The following ZNF721 variants were observed in gnomAD, a reference collection of about 807,000 sequenced individuals.
ZNF721 encodes the protein zinc finger protein 721.
ZNF721 carries 2 observed loss-of-function variants against 2.4 expected under a neutral mutation model. The ratio of observed to expected loss-of-function variants is 0.82; its 90% CI spans 0.34 to 2.58. The LOEUF (loss-of-function observed/expected upper bound fraction) is 2.58. Ranked by LOEUF, ZNF721 falls within the 30% of genes most tolerant of loss-of-function variation. ZNF721 has a pLI of 0.11. For synonymous variants in ZNF721, 398 were observed against 381.8 expected, an observed-to-expected ratio of 1.04 and a Z score of -0.50; for missense variants, 1,187 against 1,085.5, an observed-to-expected ratio of 1.09 and a Z score of -1.31.
At chr4:448,229 G>A (rs1417393106) in intron 2 of ZNF721, among the ~76,000 whole-genome samples, 1 of 152,012 alleles carries the variant, frequency 6.6e-6, no homozygotes, top group Admixed American at 6.6e-5. Context: ...AAACTGGTAT[G>A]AATGTAGAAT....
intron 2 of ZNF721, among the ~76,000 whole-genome samples, chr4:469,572 C>T (rs1176270763): frequency 5.3e-5 from 8 of 152,124 alleles, no homozygotes; most frequent in African/African-American, 1.7e-4. Flanking sequence ...TAATAGAAAA[C>T]ACAATTGTAA....
At chr4:447,896 T>C (rs1407722551) in intron 2 of ZNF721, among the ~76,000 whole-genome samples, 1 of 152,210 alleles carries the variant, frequency 6.6e-6, no homozygotes, top group African/African-American at 2.4e-5. Flanking sequence ...GTGTCCCACA[T>C]TGAGTTCCAA....
chr4:480,636 T>C (rs1553869294), intron 1 of ZNF721, among the ~76,000 whole-genome samples: 1 of 152,200 alleles, frequency 6.6e-6, no homozygotes, highest in African/African-American at 2.4e-5. Flanking sequence ...CTCGTATAAA[T>C]GGAATTATAT....
chr4:486,736 G>A (rs1277547874), intron 1 of ZNF721, among the ~76,000 whole-genome samples: 1 of 152,130 alleles, frequency 6.6e-6, no homozygotes, highest in Non-Finnish European at 1.5e-5. Context: ...TGCATTATAG[G>A]TGTTTTCAAA....
At chr4:454,723 T>A (rs956912144) in intron 2 of ZNF721, among the ~76,000 whole-genome samples, 2 of 152,218 alleles carry the variant, frequency 1.3e-5, no homozygotes, top group African/African-American at 2.4e-5. Flanking sequence ...AATATTAAAT[T>A]TGAACTCAAT....
At position 442,706 on chromosome 4, in the gene ZNF721, A is replaced by C; in HGVS notation, c.1761T>G (p.Cys587Trp). ...RIHTGEKPYK[C>W]EECGKAFGRY... ...GTCCAAAGGCTTTGCCACACTCTTCACATTTGTAAGGTTTCTCTCCAGTAT... is the reference window on the plus strand; with the variant it reads ...GTCCAAAGGCTTTGCCACACTCTTCCCATTTGTAAGGTTTCTCTCCAGTAT... The change falls in exon 3 of 3, where the codon TGT becomes TGG. Residue 587 changes from cysteine to tryptophan, a missense_variant. By Grantham distance (215) the Cys-to-Trp change is radical. Transcript: ENST00000511833. The C allele has an allele frequency of 6.2e-7, 1 of 1,614,158 alleles. No individual in the cohort carries two copies. The highest frequency in any genetic ancestry group is 8.5e-7 in the Non-Finnish European group (1 of 1,180,010).
At chr4:494,347 A>T (rs534860159) in intron 1 of ZNF721, among the ~76,000 whole-genome samples, 27 of 143,340 alleles carry the variant, frequency 1.9e-4, no homozygotes, top group Non-Finnish European at 3.0e-4. Context: ...ATGCCCATCT[A>T]ATTTTTTTTT....
Position 441,770 on chromosome 4 carries a change from G to C in ZNF721, c.2697C>G (p.Gly899=), listed in dbSNP as rs1553863156. 6.2e-7 allele frequency: 1 copy of C among 1,613,524 alleles called. No individual in the cohort carries two copies. The highest frequency in any genetic ancestry group is 1.1e-5 in the South Asian group (1 of 90,994). ...GEKPYTCGDC[G]KTFRQSANLY... ...GATTTGCAGACTGTCTAAAGGTTTT[G>C]CCACAGTCTCCACACGTGTAGGGTT... Residue 899 remains glycine (G), a synonymous_variant, in exon 3 of 3, where the codon GGC becomes GGG. Transcript: ENST00000511833.
rs574019614 is a variant in ZNF721 at position 442,929 on chromosome 4, G to A, written c.1538C>T (p.Ser513Phe). ...TCTCCTATGTTTAGTAAGGGTTGTG[G>A]AACTAGTAAACGCTTTACCACATTC... ...CLECGKAFTS[S>F]TTLTKHRRIH... The change falls in exon 3 of 3, where the codon TCC (serine) becomes TTC (phenylalanine). Residue 513 changes from serine to phenylalanine, a missense_variant. Transcript: ENST00000511833. 204 of 1,613,732 alleles carry A rather than the reference G, an allele frequency of 1.3e-4. 2 individuals are homozygous for A. The South Asian group carries it at 2.1e-3, about 16-fold the overall frequency.
At chr4:472,497 T>A (rs2108712156) in intron 2 of ZNF721, 78 bp downstream of exon 2, 7 of 1,488,424 alleles carry the variant, frequency 4.7e-6, no homozygotes, top group Non-Finnish European at 5.5e-6. Context: ...TATAGATATA[T>A]CTCAAAAGAC....
intron 1 of ZNF721, among the ~76,000 whole-genome samples, chr4:477,163 T>C (rs1715644718): frequency 6.6e-6 from 1 of 152,088 alleles, no homozygotes. Context: ...TCCTCCACAT[T>C]TCCTCTGACA....
At chr4:474,019 C>T in intron 1 of ZNF721, 1 of 1,501,908 alleles carries the variant, frequency 6.7e-7, no homozygotes, top group East Asian at 3.0e-5. Flanking sequence ...GTCTTAGCTA[C>T]GAATCATCCA....
intron 1 of ZNF721, chr4:473,939 G>A (rs782034099): frequency 2.0e-6 from 3 of 1,502,936 alleles, no homozygotes; most frequent in South Asian, 2.2e-5. Context: ...CGGTTCTGAT[G>A]AGGCCTCCCC....
At chr4:490,660 G>A (rs1217130435) in intron 1 of ZNF721, among the ~76,000 whole-genome samples, 1 of 152,042 alleles carries the variant, frequency 6.6e-6, no homozygotes, top group Non-Finnish European at 1.5e-5. Flanking sequence ...AGGCCAGAAA[G>A]GTTATGAAAT....
chr4:446,565 G>C (rs1553864205), intron 2 of ZNF721, among the ~76,000 whole-genome samples: 4 of 152,056 alleles, frequency 2.6e-5, no homozygotes, highest in African/African-American at 9.7e-5. Flanking sequence ...ATTTTTAATA[G>C]AGACAGGGTT....
intron 1 of ZNF721, among the ~76,000 whole-genome samples, chr4:485,616 G>A (rs1234207554): frequency 6.6e-6 from 1 of 152,182 alleles, no homozygotes; most frequent in East Asian, 1.9e-4. Context: ...GTTTACAGCA[G>A]ACATTTGGGA....
chr4:487,227 T>C (rs1715918844), intron 1 of ZNF721, among the ~76,000 whole-genome samples: 1 of 152,228 alleles, frequency 6.6e-6, no homozygotes, highest in South Asian at 2.1e-4. Context: ...ATCTCTTATT[T>C]GCACTGGCAT....
chr4:497,506 G>A (rs1200954400), intron 1 of ZNF721, among the ~76,000 whole-genome samples: 2 of 152,096 alleles, frequency 1.3e-5, no homozygotes, highest in African/African-American at 2.4e-5. Flanking sequence ...CACAGCCTCC[G>A]GAGATCCTGA....
Position 442,375 on chromosome 4 carries a change from T to A in ZNF721, c.2092A>T (p.Lys698Ter). 1 of 1,613,994 alleles carries A rather than the reference T, an allele frequency of 6.2e-7. No homozygotes were observed. The highest frequency in any genetic ancestry group is 8.5e-7 in the Non-Finnish European group (1 of 1,179,916). ...KKIHTGEKPY[K>*]CEECGKAFSR... ...AAGGCTTTGCCACACTCTTCACATT[T>A]GTAAGGTTTTTCTCCAGTATGAATT... The change falls in exon 3 of 3, where the codon AAA (lysine) becomes TAA (stop). Residue 698 changes from lysine to a stop codon, truncating the protein, a stop_gained. Transcript: ENST00000511833. LOFTEE classifies it low-confidence loss of function (END_TRUNC).
Sources: allele counts gnomAD v4.1 joint callset (sites outside exome capture counted in the v4.1 genomes callset), GRCh38; gene constraint gnomAD v4.1.1; transcripts MANE v1.5; gene names NCBI Gene and HGNC (gene_info 2026-07-23, HGNC 2026-07-21).